Variants in GDPD1 observed in about 807,000 individuals in gnomAD.
GDPD1 encodes the protein glycerophosphodiester phosphodiesterase domain containing 1.
GDPD1 carries 28 observed loss-of-function variants against 45.1 expected under a neutral mutation model. That is an observed-to-expected ratio of 0.62 (90% CI 0.46 to 0.85). GDPD1 has a LOEUF of 0.85. Among genes scored for constraint, GDPD1 ranks in the 40% least tolerant of loss-of-function variants. GDPD1 has a pLI of 0.00. For missense variants in GDPD1, 256 were observed against 364.8 expected, an observed-to-expected ratio of 0.70 and a Z score of 2.43; for synonymous variants, 139 against 131.4, an observed-to-expected ratio of 1.06 and a Z score of -0.40.
intron 4 of GDPD1, among the ~76,000 whole-genome samples, chr17:59,250,227 T>C (rs1184588293): frequency 6.6e-6 from 1 of 152,194 alleles, no homozygotes; most frequent in Non-Finnish European, 1.5e-5. Context: ...TATTGTAATA[T>C]TTGTGTCAAT....
intron 6 of GDPD1, among the ~76,000 whole-genome samples, chr17:59,259,206 G>T (rs749664789): frequency 6.0e-4 from 91 of 151,604 alleles, no homozygotes; most frequent in Non-Finnish European, 1.0e-3. Context: ...GAGGCAGGCG[G>T]ATCACCTGAG....
intron 1 of GDPD1, among the ~76,000 whole-genome samples, chr17:59,222,803 C>G (rs1282177490): frequency 1.3e-5 from 2 of 152,198 alleles, no homozygotes; most frequent in Non-Finnish European, 2.9e-5. Flanking sequence ...GCGTGAGACA[C>G]TGCACCCTGC....
chr17:59,225,095 T>TC (rs1309573909), intron 1 of GDPD1, among the ~76,000 whole-genome samples: 1 of 142,352 alleles, frequency 7.0e-6, no homozygotes, highest in Non-Finnish European at 1.5e-5. Flanking sequence ...CTTTTCTTTT[T>TC]TTTTTTTTTT....
intron 1 of GDPD1, among the ~76,000 whole-genome samples, chr17:59,231,087 T>G (rs1374618288): frequency 6.6e-6 from 1 of 152,166 alleles, no homozygotes; most frequent in East Asian, 1.9e-4. Context: ...CTTTTCTGAT[T>G]GGTTTCACAA....
intron 2 of GDPD1, among the ~76,000 whole-genome samples, chr17:59,236,264 T>A (rs1214993174): frequency 6.6e-6 from 1 of 152,238 alleles, no homozygotes; most frequent in Non-Finnish European, 1.5e-5. Flanking sequence ...AACATTTTTC[T>A]GATATTTAAA....
At chr17:59,221,284 G>A (rs2047002338) in intron 1 of GDPD1, among the ~76,000 whole-genome samples, 1 of 151,986 alleles carries the variant, frequency 6.6e-6, no homozygotes, top group East Asian at 1.9e-4. Flanking sequence ...CCCACGTTCC[G>A]AGCACTCATA....
intron 6 of GDPD1, among the ~76,000 whole-genome samples, chr17:59,263,785 T>C (rs2047377961): frequency 6.6e-6 from 1 of 151,888 alleles, no homozygotes; most frequent in South Asian, 2.1e-4. Flanking sequence ...CAGCCTACTT[T>C]TGCAATTCTT....
intron 8 of GDPD1, 78 bp downstream of exon 8, chr17:59,271,073 A>C: frequency 1.2e-6 from 1 of 851,654 alleles, no homozygotes; most frequent in South Asian, 1.6e-5. Flanking sequence ...AATGTTGTGC[A>C]AGCTTTCCAC....
intron 6 of GDPD1, chr17:59,260,718 G>A (rs1033186257): frequency 6.6e-6 from 1 of 152,096 alleles, no homozygotes; most frequent in Admixed American, 6.6e-5. Flanking sequence ...GATGTAAGTA[G>A]CAATTTTCAA....
chr17:59,241,761 C>G (rs2047177444), intron 2 of GDPD1, among the ~76,000 whole-genome samples: 1 of 151,892 alleles, frequency 6.6e-6, no homozygotes. Context: ...AACCTCATCT[C>G]TACTAAAAAT....
intron 7 of GDPD1, among the ~76,000 whole-genome samples, chr17:59,269,489 A>C (rs2047428697): frequency 7.2e-6 from 1 of 138,982 alleles, no homozygotes; most frequent in African/African-American, 2.6e-5. Context: ...CCCCCCCCAA[A>C]AAACACCCTA....
At chr17:59,272,869 G>A (rs747394498) in intron 9 of GDPD1, 33 bp downstream of exon 9, 2 of 1,613,600 alleles carry the variant, frequency 1.2e-6, no homozygotes, top group Admixed American at 1.7e-5. Flanking sequence ...TTTGGAAGCA[G>A]CATAGCTCAC....
At position 59,245,452 on chromosome 17, in the gene GDPD1, G is replaced by A. The variant is rs1184847786; in HGVS notation, c.224G>A (p.Cys75Tyr). 3 of 1,610,056 alleles carry A rather than the reference G, an allele frequency of 1.9e-6. No individual in the cohort carries two copies. The South Asian group carries it at 3.3e-5, about 18-fold the overall frequency. ...GGAACTGATATGCTAGAATTGGACT[G>A]CCATATCACAAAAGATGAACAAGTT... ...KIGTDMLELDCHITKDEQVVV... is the reference protein window; with the variant it reads ...KIGTDMLELDYHITKDEQVVV... The change falls in exon 3 of 10, where the codon TGC becomes TAC. Residue 75 changes from cysteine (C) to tyrosine (Y), a missense_variant. Physicochemically the swap from Cys to Tyr is radical, Grantham distance 194. Transcript: ENST00000284116.
rs200841211 is a variant in GDPD1, at chr17:59,257,770, G to T, written c.506G>T (p.Arg169Leu). ...ACGTAGGTTTCAGAGTTGGTGAAGC[G>T]GTATAATCGAGAACACTTAACAGTG... is the stretch of plus-strand genomic sequence containing the variant. ...LIKKVSELVK[R>L]YNREHLTVWG... The change falls in exon 6 of 10, where the codon CGG becomes CTG. Residue 169 changes from arginine to leucine, a missense_variant. Arg to Leu is a moderately radical substitution (Grantham distance 102). Transcript: ENST00000284116. The T allele has an allele frequency of 6.2e-7, 1 of 1,602,742 alleles. No individual in the cohort carries two copies. Among genetic ancestry groups the T allele is most frequent in the Non-Finnish European group, 8.5e-7 (1 of 1,175,874 alleles).
intron 1 of GDPD1, among the ~76,000 whole-genome samples, chr17:59,225,848 A>C (rs912381613): frequency 2.6e-5 from 4 of 152,054 alleles, no homozygotes; most frequent in African/African-American, 7.2e-5. Flanking sequence ...CTGCCTCCCA[A>C]GTAGCTGAGA....
chr17:59,220,965 G>C (rs150400362), intron 1 of GDPD1, among the ~76,000 whole-genome samples: 2 of 152,288 alleles, frequency 1.3e-5, no homozygotes, highest in Non-Finnish European at 2.9e-5. Flanking sequence ...CACGGCGGGG[G>C]TCTCTCGAGG....
chr17:59,248,736 A>G lies in GDPD1; in HGVS notation c.322-4A>G, dbSNP rs115654827. ...ACTTTTTTTTCAATCATATCTTTTT[A>G]AAGGAGCTCCCACCTTACCTTGGCA... On this transcript the variant is annotated splice_polypyrimidine_tract_variant and splice_region_variant and intron_variant, in intron 3 of 9. Coordinates refer to ENST00000284116, the MANE Select transcript of GDPD1 (RefSeq NM_182569.4). 1.8e-3 allele frequency: 2,847 copies of G among 1,592,196 alleles called. 46 individuals are homozygous for G. The African/African-American group carries it at 0.033, about 19-fold the overall frequency.
In GDPD1 at chr17:59,274,023, T is replaced by C; in HGVS notation, c.*250T>C. On this transcript the variant is annotated 3_prime_UTR_variant, in exon 10 of 10. Transcript: ENST00000284116. ...GTTATGAGATGTAAGTTTTAATTTC[T>C]TAATGTGCATTTTTGTTTCTAGATC... 1 of 727,664 alleles carries C rather than the reference T, an allele frequency of 1.4e-6. No individual in the cohort carries two copies. Among genetic ancestry groups the C allele is most frequent in the Non-Finnish European group, 1.7e-6 (1 of 593,692 alleles). The allele number at this position is 727,664 out of a possible 1,614,324, so 45.1% of individuals were successfully genotyped here.
intron 2 of GDPD1, among the ~76,000 whole-genome samples, chr17:59,239,945 C>G (rs1203559512): frequency 6.6e-6 from 1 of 151,826 alleles, no homozygotes; most frequent in African/African-American, 2.4e-5. Context: ...AATGATTCAC[C>G]CACCTCGGCC....
Sources: allele counts gnomAD v4.1 joint callset (sites outside exome capture counted in the v4.1 genomes callset), GRCh38; gene constraint gnomAD v4.1.1; transcripts MANE v1.5; gene names NCBI Gene and HGNC (gene_info 2026-07-23, HGNC 2026-07-21).